Variants in DDX10 observed in about 807,000 individuals in gnomAD.
DDX10 encodes DEAD-box helicase 10, also known as probable ATP-dependent RNA helicase DDX10.
DDX10 carries 74 observed loss-of-function variants against 104.3 expected under a neutral mutation model. That is an observed-to-expected ratio of 0.71 (90% confidence interval 0.59 to 0.86). The LOEUF (loss-of-function observed/expected upper bound fraction) is 0.86, where lower values mean the gene tolerates loss of function less well. Among genes scored for constraint, DDX10 ranks in the 40% least tolerant of loss-of-function variants. The pLI is 0.00. For synonymous variants in DDX10, 351 were observed against 353.4 expected, an observed-to-expected ratio of 0.99 and a Z score of 0.08; for missense variants, 952 against 1,040.0, an observed-to-expected ratio of 0.92 and a Z score of 1.16.
intron 13 of DDX10, among the ~76,000 whole-genome samples, chr11:108,781,101 A>G (rs1591816627): frequency 6.6e-6 from 1 of 151,872 alleles, no homozygotes; most frequent in Non-Finnish European, 1.5e-5. Flanking sequence ...TCTTATTCCC[A>G]TTTATGTCCA....
rs748300453 is a variant in DDX10 at position 108,940,362 on chromosome 11, C to T, written c.2567C>T (p.Thr856Ile). 6.2e-6 allele frequency: 10 copies of T among 1,614,006 alleles called. No individual in the cohort carries two copies. Among genetic ancestry groups the T allele is most frequent in the South Asian group, 2.2e-5 (2 of 91,086 alleles). The change falls in exon 18 of 18, where the codon ACC (threonine) becomes ATC (isoleucine). Residue 856 changes from threonine to isoleucine, a missense_variant. Transcript: ENST00000322536. The stretch of plus-strand genomic sequence containing the variant: ...TGGGACACTTTAGAGCCTTTGGATA[C>T]CGGCCTGTCTTTAGCAGAGGATGAA... ...ARWDTLEPLDTGLSLAEDEEL... is the reference protein window; with the variant it reads ...ARWDTLEPLDIGLSLAEDEEL...
At chr11:108,687,197 C>T (rs1371804431) in intron 6 of DDX10, among the ~76,000 whole-genome samples, 3 of 152,178 alleles carry the variant, frequency 2.0e-5, no homozygotes, top group Non-Finnish European at 2.9e-5. Flanking sequence ...TCCTTGCCAG[C>T]GTTTGGTGTC....
At chr11:108,665,679 T>C (rs192859085) in intron 1 of DDX10, among the ~76,000 whole-genome samples, 212 of 152,224 alleles carry the variant, frequency 1.4e-3, no homozygotes, top group Non-Finnish European at 1.9e-3. Flanking sequence ...TTACAGTAAT[T>C]GTTTGACTTG....
At chr11:108,720,924 C>T (rs1470733337) in intron 12 of DDX10, among the ~76,000 whole-genome samples, 15 of 150,358 alleles carry the variant, frequency 1.0e-4, no homozygotes, top group Admixed American at 4.0e-4. Flanking sequence ...ACCTTTTGAC[C>T]TATAAAGAAG....
At chr11:108,868,791 A>G (rs572969547) in intron 16 of DDX10, among the ~76,000 whole-genome samples, 1 of 152,196 alleles carries the variant, frequency 6.6e-6, no homozygotes, top group South Asian at 2.1e-4. Flanking sequence ...TAATATGACA[A>G]TAATACCCTA....
At chr11:108,910,563 C>G (rs534176206) in intron 16 of DDX10, among the ~76,000 whole-genome samples, 1 of 152,290 alleles carries the variant, frequency 6.6e-6, no homozygotes, top group African/African-American at 2.4e-5. Context: ...AGTTTTCCAA[C>G]TAACTGTTTT....
At chr11:108,706,858 TTA>T (rs2094276894) in intron 10 of DDX10, 21 bp downstream of exon 10, 1 of 1,597,336 alleles carries the variant, frequency 6.3e-7, no homozygotes, top group Non-Finnish European at 8.6e-7. Flanking sequence ...CTTGTTGTCT[TTA>T]TGTTTTTAGG....
intron 13 of DDX10, among the ~76,000 whole-genome samples, chr11:108,795,519 G>A (rs1157178545): frequency 9.1e-6 from 1 of 109,366 alleles, no homozygotes; most frequent in Non-Finnish European, 1.7e-5. Context: ...AGGCCCCAGG[G>A]TGTGATGTTG....
intron 16 of DDX10, among the ~76,000 whole-genome samples, chr11:108,877,446 G>A (rs576999954): frequency 6.6e-6 from 1 of 152,112 alleles, no homozygotes; most frequent in African/African-American, 2.4e-5. Flanking sequence ...GATTCCAGAA[G>A]TGTTATATCC....
At chr11:108,825,535 T>G (rs1239022950) in intron 13 of DDX10, among the ~76,000 whole-genome samples, 5 of 152,178 alleles carry the variant, frequency 3.3e-5, no homozygotes, top group Non-Finnish European at 7.3e-5. Context: ...GAAGGAAGTT[T>G]GAACACAGCT....
chr11:108,744,605 C>T (rs1157600318), intron 13 of DDX10, among the ~76,000 whole-genome samples: 1 of 152,120 alleles, frequency 6.6e-6, no homozygotes, highest in African/African-American at 2.4e-5. Flanking sequence ...CCCCTCTTAA[C>T]CCTCAATAGT....
intron 13 of DDX10, among the ~76,000 whole-genome samples, chr11:108,752,516 G>A (rs562780554): frequency 1.3e-5 from 2 of 152,132 alleles, no homozygotes; most frequent in East Asian, 1.9e-4. Context: ...AACAAGTGAT[G>A]CATGCTTTGC....
chr11:108,763,299 C>CT (rs1192379833), intron 13 of DDX10, among the ~76,000 whole-genome samples: 2 of 152,110 alleles, frequency 1.3e-5, no homozygotes, highest in Non-Finnish European at 2.9e-5. Flanking sequence ...TTTCATAGGC[C>CT]TTCCTGAAGG....
chr11:108,777,322 T>C (rs1190623725), intron 13 of DDX10, among the ~76,000 whole-genome samples: 1 of 148,220 alleles, frequency 6.7e-6, no homozygotes, highest in Non-Finnish European at 1.5e-5. Flanking sequence ...TCTTTTCTCT[T>C]TCTTTCTTTC....
chr11:108,705,119 A>G (rs1000344279), intron 9 of DDX10, among the ~76,000 whole-genome samples: 8 of 152,146 alleles, frequency 5.3e-5, no homozygotes, highest in South Asian at 2.1e-4. Flanking sequence ...AGCAGGCTCT[A>G]ATGTACCTTT....
intron 2 of DDX10, among the ~76,000 whole-genome samples, chr11:108,673,791 C>A (rs560113968): frequency 1.3e-5 from 2 of 152,222 alleles, no homozygotes; most frequent in South Asian, 4.2e-4. Flanking sequence ...AGGGAACAAA[C>A]CAAGATGCAA....
intron 8 of DDX10, among the ~76,000 whole-genome samples, chr11:108,693,284 A>G (rs1040505599): frequency 2.0e-5 from 3 of 152,240 alleles, no homozygotes; most frequent in Non-Finnish European, 4.4e-5. Flanking sequence ...TCCGTGTCAG[A>G]TACGAAGTAA....
chr11:108,823,367 T>C (rs1862351683), intron 13 of DDX10, among the ~76,000 whole-genome samples: 1 of 152,218 alleles, frequency 6.6e-6, no homozygotes, highest in Non-Finnish European at 1.5e-5. Flanking sequence ...GTAGTGATGC[T>C]TGTTTCACTT....
At chr11:108,843,894 A>G (rs1305360063) in intron 15 of DDX10, among the ~76,000 whole-genome samples, 1 of 152,250 alleles carries the variant, frequency 6.6e-6, no homozygotes, top group African/African-American at 2.4e-5. Flanking sequence ...AGAAATAAAT[A>G]GGAATACATA....
Sources: allele counts gnomAD v4.1 joint callset (sites outside exome capture counted in the v4.1 genomes callset), GRCh38; gene constraint gnomAD v4.1.1; transcripts MANE v1.5; gene names NCBI Gene and HGNC (gene_info 2026-07-23, HGNC 2026-07-21).